Variants in ZNF865 observed in about 807,000 individuals in gnomAD.
ZNF865 encodes the protein zinc finger protein 865.
For missense variants in ZNF865, 1,311 were observed against 1,593.4 expected, an observed-to-expected ratio of 0.82 and a Z score of 3.02; for synonymous variants, 763 against 750.8, an observed-to-expected ratio of 1.02 and a Z score of -0.27.
Position 55,611,336 on chromosome 19 carries a change from T to G in ZNF865, c.-26-2257T>G, listed in dbSNP as rs141879361. On this transcript the variant is annotated intron_variant, in intron 1 of 1. Coordinates refer to ENST00000568956, the MANE Select transcript of ZNF865 (RefSeq NM_001195605.2). The surrounding 1 kb of genome is among the most constrained non-coding windows in gnomAD (Gnocchi z 4.5). The stretch of plus-strand genomic sequence containing the variant: ...GTCAGGGGCTTCTTTCCCCAAACAC[T>G]CTTGCCCTCCCTCCCCATAGCGCCC... 1.8e-3 allele frequency among the ~76,000 whole-genome samples: 269 copies of G among 152,112 alleles called. 1 individual carries two copies. The highest frequency in any genetic ancestry group is 6.1e-3 in the African/African-American group (251 of 41,486).
chr19:55,614,556 C>A lies in ZNF865; in HGVS notation c.938C>A (p.Ser313Tyr), dbSNP rs1981274085. The A allele has an allele frequency of 6.8e-7, 1 of 1,480,728 alleles. No homozygotes were observed. The highest frequency in any genetic ancestry group is 8.9e-7 in the Non-Finnish European group (1 of 1,122,694). 91.7% of individuals were successfully genotyped at this position (1,480,728 alleles called of 1,614,324 possible). Residue 313 changes from serine (S) to tyrosine (Y), a missense_variant, in exon 2 of 2, where the codon TCC becomes TAC. By Grantham distance (144) the Ser-to-Tyr change is moderately radical. Transcript: ENST00000568956. This position sits in a 1 kb window ranked among gnomAD's most constrained non-coding sequence, Gnocchi z 8.0. ...ACCGCCGCCGCCCCCTCCACGGTGTCCTCGGGCCCTCCAGCCACGCCCGTG... is the reference window on the plus strand; with the variant it reads ...ACCGCCGCCGCCCCCTCCACGGTGTACTCGGGCCCTCCAGCCACGCCCGTG... Reference protein sequence around the residue: ...AATAAAPSTVSSGPPATPVAP... With the variant: ...AATAAAPSTVYSGPPATPVAP...
rs1162536443 is a variant in ZNF865 at position 55,615,175 on chromosome 19, C to G, written c.1557C>G (p.Pro519=). The G allele has an allele frequency of 2.2e-6, 3 of 1,380,426 alleles. No individual in the cohort carries two copies. The highest frequency in any genetic ancestry group is 2.8e-6 in the Non-Finnish European group (3 of 1,077,446). 85.5% of individuals were successfully genotyped at this position (1,380,426 alleles called of 1,614,324 possible). The part of the protein sequence containing the change: ...AAAAVVYGAV[P]VPLLGAHPLL... ...CGGCGGTGGTGTACGGCGCTGTGCC[C>G]GTCCCGCTCCTGGGCGCCCACCCGC... The change falls in exon 2 of 2, where the codon CCC becomes CCG. Residue 519 remains proline (P), a synonymous_variant. Transcript: ENST00000568956.
In ZNF865 at chr19:55,611,610, G is replaced by A. The variant is rs74494178; in HGVS notation, c.-26-1983G>A. On this transcript the variant is annotated intron_variant, in intron 1 of 1. Transcript: ENST00000568956. This position sits in a 1 kb window ranked among gnomAD's most constrained non-coding sequence, Gnocchi z 4.5. ...TAAAAATATCTCACTCCAGGATGGC[G>A]TTTGGGGTGGGGGTGGAAGAGACAC... Among the ~76,000 whole-genome samples, 65 of 152,276 alleles carry A rather than the reference G, an allele frequency of 4.3e-4. No homozygotes were observed. In the East Asian group the frequency reaches 9.1e-3, roughly 21 times the overall value.
At position 55,614,176 on chromosome 19, in the gene ZNF865, G is replaced by A; in HGVS notation, c.558G>A (p.Pro186=). Residue 186 remains proline, a synonymous_variant, in exon 2 of 2, where the codon CCG becomes CCA. Transcript: ENST00000568956. The surrounding 1 kb of genome is among the most constrained non-coding windows in gnomAD (Gnocchi z 8.0). ...GCGCTCCCGCGGGGGCCCCAGGGCC[G>A]CTTCCTGCCCCCTCGCAGACCCCGC... is the stretch of plus-strand genomic sequence containing the variant. ...GLGAPAGAPG[P]LPAPSQTPPG... is the part of the protein sequence containing the mutation. 2 of 1,478,540 alleles carry A rather than the reference G, an allele frequency of 1.4e-6. No individual in the cohort carries two copies. Among genetic ancestry groups the A allele is most frequent in the South Asian group, 1.3e-5 (1 of 77,202 alleles). The allele number at this position is 1,478,540 out of a possible 1,614,324, so 91.6% of individuals were successfully genotyped here.
At chr19:55,606,000 C>T (rs484519) in intron 1 of ZNF865, among the ~76,000 whole-genome samples, 58,393 of 151,856 alleles carry the variant, frequency 0.38, 11,894 homozygotes, top group South Asian at 0.52. Context: ...CCAAATGATA[C>T]CTCCTCGTAG....
chr19:55,613,912 G>GTCCTCCTCCTCCTCCTCTTCGTCC lies in ZNF865; in HGVS notation c.300_323dup (p.Ser110_Ser117dup). 6.6e-7 allele frequency: 1 copy of GTCCTCCTCCTCCTCCTCTTCGTCC among 1,510,776 alleles called. No individual in the cohort carries two copies. The highest frequency in any genetic ancestry group is 8.9e-7 in the Non-Finnish European group (1 of 1,127,360). The allele number at this position is 1,510,776 out of a possible 1,614,324, so 93.6% of individuals were successfully genotyped here. ...AGGTGCCCTCCTCGTCCTCGTCCTCGTCCTCCTCCTCCTCCTCTTCGTCCT... is the reference window on the plus strand; with the variant it reads ...AGGTGCCCTCCTCGTCCTCGTCCTCGTCCTCCTCCTCCTCCTCTTCGTCCTCCTCCTCCTCCTCCTCTTCGTCCT... On this transcript the variant is annotated inframe_insertion, in exon 2 of 2. Transcript: ENST00000568956.
In ZNF865 at chr19:55,615,101, C is replaced by T. The variant is rs554919583; in HGVS notation, c.1483C>T (p.Pro495Ser). 4.5e-5 allele frequency: 54 copies of T among 1,187,224 alleles called. No homozygotes were observed. In the South Asian group the frequency reaches 1.3e-3, roughly 29 times the overall value. The allele number at this position is 1,187,224 out of a possible 1,614,324, so 73.5% of individuals were successfully genotyped here. ...PTFPPGPYLL[P>S]PDPPTTDSEK... ...CTTCCCCCCGGGCCCGTACCTCCTGCCCCCCGACCCTCCCACCACAGACAG... is the reference window on the plus strand; with the variant it reads ...CTTCCCCCCGGGCCCGTACCTCCTGTCCCCCGACCCTCCCACCACAGACAG... Residue 495 changes from proline to serine, a missense_variant, in exon 2 of 2, where the codon CCC becomes TCC. Physicochemically the swap from Pro to Ser is moderately conservative, Grantham distance 74 (BLOSUM62 -1). Coordinates refer to ENST00000568956, the MANE Select transcript of ZNF865 (RefSeq NM_001195605.2).
At position 55,615,142 on chromosome 19, in the gene ZNF865, G is replaced by A. The variant is rs1333373025; in HGVS notation, c.1524G>A (p.Ala508=). ...CCACAGACAGCGAGAAGGCGGCGGCGGCCGCGGCGGCGGTGGTGTACGGCG... is the reference window on the plus strand; with the variant it reads ...CCACAGACAGCGAGAAGGCGGCGGCAGCCGCGGCGGCGGTGGTGTACGGCG... The part of the protein sequence containing the change: ...PPTTDSEKAA[A]AAAAVVYGAV... The change falls in exon 2 of 2, where the codon GCG becomes GCA. Residue 508 remains alanine (A), a synonymous_variant. Coordinates refer to ENST00000568956, the MANE Select transcript of ZNF865 (RefSeq NM_001195605.2). 1.3e-5 allele frequency: 16 copies of A among 1,195,576 alleles called. No homozygotes were observed. The highest frequency in any genetic ancestry group is 1.6e-5 in the Non-Finnish European group (15 of 963,812). 74.1% of individuals were successfully genotyped at this position (1,195,576 alleles called of 1,614,324 possible).
At position 55,614,919 on chromosome 19, in the gene ZNF865, C is replaced by A; in HGVS notation, c.1301C>A (p.Ala434Asp). The A allele has an allele frequency of 6.7e-7, 1 of 1,486,572 alleles. No individual in the cohort carries two copies. The highest frequency in any genetic ancestry group is 8.9e-7 in the Non-Finnish European group (1 of 1,123,926). The allele number at this position is 1,486,572 out of a possible 1,614,324, so 92.1% of individuals were successfully genotyped here. A position where few individuals can be genotyped will look rare whatever the true frequency, so the allele number is the denominator to read the frequency against. The part of the protein sequence containing the change: ...KHQAAHAGAG[A>D]GGPRPVYPCD... ...CAGGCGGCCCACGCGGGGGCGGGCG[C>A]CGGGGGGCCTCGGCCCGTGTACCCC... Residue 434 changes from alanine (A) to aspartate (D), a missense_variant, in exon 2 of 2, where the codon GCC becomes GAC. By Grantham distance (126) the Ala-to-Asp change is moderately radical (BLOSUM62 -2). Coordinates refer to ENST00000568956, the MANE Select transcript of ZNF865 (RefSeq NM_001195605.2). This position sits in a 1 kb window ranked among gnomAD's most constrained non-coding sequence, Gnocchi z 8.0.
rs1380971852 is a variant in ZNF865 at position 55,616,346 on chromosome 19, G to A, written c.2728G>A (p.Ala910Thr). 6.6e-7 allele frequency: 1 copy of A among 1,522,410 alleles called. No individual in the cohort carries two copies. The highest frequency in any genetic ancestry group is 2.0e-5 in the Admixed American group (1 of 49,044). 94.3% of individuals were successfully genotyped at this position (1,522,410 alleles called of 1,614,324 possible). ...GCGGGCCTTCAAGTGCGGCGTGTGC[G>A]CCAAGCGCTTCGCGCAGTCGTCCAG... is the stretch of plus-strand genomic sequence containing the variant. ...GERAFKCGVC[A>T]KRFAQSSSLA... is the part of the protein sequence containing the mutation. The change falls in exon 2 of 2, where the codon GCC becomes ACC. Residue 910 changes from alanine to threonine, a missense_variant. Ala to Thr is a moderately conservative substitution (Grantham distance 58, BLOSUM62 0). Transcript: ENST00000568956.
In ZNF865 at chr19:55,615,145, CGCG is replaced by C. The variant is rs1390844011; in HGVS notation, c.1535_1537del (p.Ala512del). 8.3e-7 allele frequency: 1 copy of C among 1,200,090 alleles called. No individual in the cohort carries two copies. Among genetic ancestry groups the C allele is most frequent in the Non-Finnish European group, 1.0e-6 (1 of 966,456 alleles). 74.3% of individuals were successfully genotyped at this position (1,200,090 alleles called of 1,614,324 possible). A position where few individuals can be genotyped will look rare whatever the true frequency, so the allele number is the denominator to read the frequency against. On this transcript the variant is annotated inframe_deletion, in exon 2 of 2. Coordinates refer to ENST00000568956, the MANE Select transcript of ZNF865 (RefSeq NM_001195605.2). ...CAGACAGCGAGAAGGCGGCGGCGGCCGCGGCGGCGGTGGTGTACGGCGCTGTGC... is the reference window on the plus strand; with the variant it reads ...CAGACAGCGAGAAGGCGGCGGCGGCCGCGGCGGTGGTGTACGGCGCTGTGC...
rs143044900 is a variant in ZNF865, at chr19:55,606,463, T to C, written c.-27+731T>C. 4.0e-3 allele frequency among the ~76,000 whole-genome samples: 602 copies of C among 152,266 alleles called. 4 individuals are homozygous for C. Among genetic ancestry groups the C allele is most frequent in the Non-Finnish European group, 6.2e-3 (419 of 68,016 alleles). On this transcript the variant is annotated intron_variant, in intron 1 of 1. Transcript: ENST00000568956. Reference sequence around the variant, plus strand: ...TGCTTAGCTCCAGGCTCCCATGACATACTCCCGTACCTCCTCTCACCCCAC... The same window carrying C: ...TGCTTAGCTCCAGGCTCCCATGACACACTCCCGTACCTCCTCTCACCCCAC...
Position 55,614,551 on chromosome 19 carries a change from G to T in ZNF865, c.933G>T (p.Thr311=). 2 of 1,431,774 alleles carry T rather than the reference G, an allele frequency of 1.4e-6. No homozygotes were observed. The highest frequency in any genetic ancestry group is 9.1e-7 in the Non-Finnish European group (1 of 1,100,294). The allele number at this position is 1,431,774 out of a possible 1,614,324, so 88.7% of individuals were successfully genotyped here. ...CCGCCACCGCCGCCGCCCCCTCCAC[G>T]GTGTCCTCGGGCCCTCCAGCCACGC... The part of the protein sequence containing the change: ...ASAATAAAPS[T]VSSGPPATPV... Residue 311 remains threonine (T), a synonymous_variant, in exon 2 of 2, where the codon ACG becomes ACT. Coordinates refer to ENST00000568956, the MANE Select transcript of ZNF865 (RefSeq NM_001195605.2). The surrounding 1 kb of genome is among the most constrained non-coding windows in gnomAD (Gnocchi z 8.0).
At chr19:55,606,727 C>G (rs745463440) in intron 1 of ZNF865, among the ~76,000 whole-genome samples, 1 of 152,248 alleles carries the variant, frequency 6.6e-6, no homozygotes, top group South Asian at 2.1e-4. Context: ...CTGCGTTGAA[C>G]GCATATTCAC....
chr19:55,614,990 C>T lies in ZNF865; in HGVS notation c.1372C>T (p.Arg458Cys). 1 of 1,412,986 alleles carries T rather than the reference C, an allele frequency of 7.1e-7. No homozygotes were observed. Among genetic ancestry groups the T allele is most frequent in the Non-Finnish European group, 9.2e-7 (1 of 1,090,802 alleles). The allele number at this position is 1,412,986 out of a possible 1,614,324, so 87.5% of individuals were successfully genotyped here. A position where few individuals can be genotyped will look rare whatever the true frequency, so the allele number is the denominator to read the frequency against. Residue 458 changes from arginine (R) to cysteine (C), a missense_variant, in exon 2 of 2, where the codon CGC (arginine) becomes TGC (cysteine). Arg to Cys is a radical substitution (Grantham distance 180, BLOSUM62 -3). Coordinates refer to ENST00000568956, the MANE Select transcript of ZNF865 (RefSeq NM_001195605.2). This position sits in a 1 kb window ranked among gnomAD's most constrained non-coding sequence, Gnocchi z 8.0. ...KSYSAPQSLLRHKAAHAPPAA... is the reference protein window; with the variant it reads ...KSYSAPQSLLCHKAAHAPPAA... The stretch of plus-strand genomic sequence containing the variant: ...CTACTCGGCTCCGCAGAGCCTGCTC[C>T]GCCACAAGGCCGCCCACGCCCCGCC...
At chr19:55,607,325 C>T (rs79232022) in intron 1 of ZNF865, among the ~76,000 whole-genome samples, 7,992 of 151,316 alleles carry the variant, frequency 0.053, 304 homozygotes, top group Non-Finnish European at 0.087. Flanking sequence ...ACAGGCCAGG[C>T]GAGGTGGCTC....
chr19:55,612,351 C>T (rs1981168521), intron 1 of ZNF865: 1 of 152,124 alleles, frequency 6.6e-6, no homozygotes, highest in Admixed American at 6.5e-5. Context: ...GAATTTGTTT[C>T]TCCCAGGCAA....
Position 55,611,487 on chromosome 19 carries a change from G to A in ZNF865, c.-26-2106G>A, listed in dbSNP as rs1047246510. Among the ~76,000 whole-genome samples, 1 of 152,176 alleles carries A rather than the reference G, an allele frequency of 6.6e-6. No homozygotes were observed. Among genetic ancestry groups the A allele is most frequent in the African/African-American group, 2.4e-5 (1 of 41,442 alleles). On this transcript the variant is annotated intron_variant, in intron 1 of 1. Coordinates refer to ENST00000568956, the MANE Select transcript of ZNF865 (RefSeq NM_001195605.2). The surrounding 1 kb of genome is among the most constrained non-coding windows in gnomAD (Gnocchi z 4.5). ...GCCTTCCAATTACCACCCCAGCCAA[G>A]CCTGTCCTCTTTCCGGAGATCAGAT...
chr19:55,616,663 G>A lies in ZNF865; in HGVS notation c.3045G>A (p.Arg1015=), dbSNP rs1345726087. The change falls in exon 2 of 2, where the codon CGG becomes CGA. Residue 1015 remains arginine (R), a synonymous_variant. Coordinates refer to ENST00000568956, the MANE Select transcript of ZNF865 (RefSeq NM_001195605.2). ...RKHLAAHQGG[R]PFRCSSCGEG... is the part of the protein sequence containing the mutation. ...ACCTGGCTGCCCACCAGGGCGGCCGGCCCTTCCGCTGCTCCTCCTGCGGCG... is the reference window on the plus strand; with the variant it reads ...ACCTGGCTGCCCACCAGGGCGGCCGACCCTTCCGCTGCTCCTCCTGCGGCG... 2 of 1,529,668 alleles carry A rather than the reference G, an allele frequency of 1.3e-6. No homozygotes were observed. The highest frequency in any genetic ancestry group is 2.5e-5 in the East Asian group (1 of 40,560). 94.8% of individuals were successfully genotyped at this position (1,529,668 alleles called of 1,614,324 possible). A position where few individuals can be genotyped will look rare whatever the true frequency, so the allele number is the denominator to read the frequency against.
Sources: gnomAD v4.1 joint callset for allele counts (sites outside exome capture counted in the v4.1 genomes callset) on GRCh38, gnomAD v4.1.1 for gene constraint, Gnocchi (gnomAD v3.1) non-coding constraint, MANE v1.5 for transcripts, NCBI Gene and HGNC (gene_info 2026-07-23, HGNC 2026-07-21) for gene names.